The following GRAMD1A variants were observed in gnomAD, a reference collection of about 807,000 sequenced individuals.
GRAMD1A encodes protein Aster-A.
GRAMD1A carries 50 observed loss-of-function variants against 92.0 expected under a neutral mutation model. The observed-to-expected ratio is 0.54, with a 90% confidence interval of 0.43 to 0.69. The LOEUF (loss-of-function observed/expected upper bound fraction) is 0.69, where lower values mean the gene tolerates loss of function less well. GRAMD1A is among the 30% of genes least tolerant of loss of function. The probability of loss-of-function intolerance (pLI) is 0.00; values close to 1 mark genes in which losing one functional copy is unlikely to be tolerated. For missense variants in GRAMD1A, 819 were observed against 978.9 expected (o/e 0.84, Z 2.18); for synonymous variants, 405 against 403.6 (o/e 1.00, Z -0.04).
At chr19:35,011,232 T>A (rs1436158865) in intron 6 of GRAMD1A, among the ~76,000 whole-genome samples, 1 of 151,522 alleles carries the variant, frequency 6.6e-6, no homozygotes, top group Non-Finnish European at 1.5e-5. Context: ...ATCTGTCCCC[T>A]CCTTGGACTG....
chr19:35,004,569 C>T (rs1379479268), intron 1 of GRAMD1A, among the ~76,000 whole-genome samples: 2 of 152,184 alleles, frequency 1.3e-5, no homozygotes, highest in East Asian at 1.9e-4. Context: ...CCTGTTTCAG[C>T]GTCAGGTCCT....
At chr19:35,000,117 A>G, upstream of GRAMD1A, 1 of 993,324 alleles carries the variant, frequency 1.0e-6, no homozygotes. The surrounding 1 kb of genome is among the most constrained non-coding windows in gnomAD (Gnocchi z 4.9). Context: ...GGTTTTAATA[A>G]AGTCTCTTTG....
intron 11 of GRAMD1A, among the ~76,000 whole-genome samples, chr19:35,018,110 C>T (rs1368748608): frequency 6.6e-6 from 1 of 152,180 alleles, no homozygotes; most frequent in Admixed American, 6.5e-5. Context: ...GCCTCAGCCT[C>T]CTGAGTAGCC....
chr19:35,022,421 C>T (rs930587744), intron 16 of GRAMD1A, among the ~76,000 whole-genome samples: 2 of 152,152 alleles, frequency 1.3e-5, no homozygotes, highest in African/African-American at 4.8e-5. Flanking sequence ...ATGCTGAGGA[C>T]ACCGCAGTGA....
Position 35,011,570 on chromosome 19 carries a change from GC to G in GRAMD1A, c.606+19del, listed in dbSNP as rs757609835. The G allele has an allele frequency of 6.3e-7, 1 of 1,587,328 alleles. No homozygotes were observed. The highest frequency in any genetic ancestry group is 1.1e-5 in the South Asian group (1 of 90,634). Reference sequence around the variant, plus strand: ...GCTTGAAAAGGTGGGCCTGGGTGAGGCCCGGGTGGGGATGGGGGGTTTCCAG... The same window carrying G: ...GCTTGAAAAGGTGGGCCTGGGTGAGGCCGGGTGGGGATGGGGGGTTTCCAG... On this transcript the variant is annotated intron_variant, in intron 7 of 19. Transcript: ENST00000317991.
upstream of GRAMD1A, among the ~76,000 whole-genome samples, chr19:34,995,596 T>TTTTTTTTTG (rs1281397886): frequency 1.3e-5 from 2 of 148,902 alleles, no homozygotes; most frequent in South Asian, 2.2e-4. Context: ...TTTTTTTTTT[T>TTTTTTTTTG]TCTGAGACAG....
At chr19:35,024,485 G>A (rs1600348196) in intron 19 of GRAMD1A, among the ~76,000 whole-genome samples, 1 of 152,196 alleles carries the variant, frequency 6.6e-6, no homozygotes, top group African/African-American at 2.4e-5. Flanking sequence ...CAGTTGTGGT[G>A]GGTCAGAGCA....
chr19:35,015,841 C>G lies in GRAMD1A; in HGVS notation c.1087C>G (p.Leu363Val), dbSNP rs780927984. The G allele has an allele frequency of 6.2e-7, 1 of 1,613,954 alleles. No homozygotes were observed. Among genetic ancestry groups the G allele is most frequent in the East Asian group, 2.2e-5 (1 of 44,874 alleles). ...GTCTCCAGCGGACTTGGCTGCCCTG[C>G]TTCCCGACCTCTCCGGCCGCCTCCT... ...TGEEADLAAL[L>V]PDLSGRLLIN... Residue 363 changes from leucine to valine, a missense_variant, in exon 11 of 20, where the codon CTT becomes GTT. This residue lies in a region of GRAMD1A where 577 missense variants were observed against 674.6 expected (regional missense o/e 0.86). Coordinates refer to ENST00000317991, the MANE Select transcript of GRAMD1A (RefSeq NM_020895.5).
intron 10 of GRAMD1A, 99 bp downstream of exon 10, chr19:35,014,486 A>G (rs1233462201): frequency 2.8e-6 from 3 of 1,058,244 alleles, no homozygotes; most frequent in Non-Finnish European, 4.3e-6. Flanking sequence ...CTGAGAATCC[A>G]GGGGCAGGCG....
At chr19:34,995,727 G>T (rs1222167447), upstream of GRAMD1A, among the ~76,000 whole-genome samples, 1 of 151,996 alleles carries the variant, frequency 6.6e-6, no homozygotes, top group African/African-American at 2.4e-5. Flanking sequence ...AGGGCTATAG[G>T]GACGTGCCAC....
At chr19:35,007,190 C>T (rs1301347194) in intron 1 of GRAMD1A, among the ~76,000 whole-genome samples, 1 of 152,152 alleles carries the variant, frequency 6.6e-6, no homozygotes, top group Non-Finnish European at 1.5e-5. Flanking sequence ...TGTAGGACAC[C>T]AGTGAAGAGG....
At position 35,014,288 on chromosome 19, in the gene GRAMD1A, C is replaced by T; in HGVS notation, c.970C>T (p.Gln324Ter). The T allele has an allele frequency of 6.2e-7, 1 of 1,614,112 alleles. No individual in the cohort carries two copies. The highest frequency in any genetic ancestry group is 2.2e-5 in the East Asian group (1 of 44,882). ...TGAACCCCCGAGCACAGAGCCCACC[C>T]AGCCTGACGGGCCCACCACCCTGGG... ...VAEPPSTEPT[Q>*]PDGPTTLGPL... is the part of the protein sequence containing the mutation. The change falls in exon 10 of 20, where the codon CAG becomes TAG. Residue 324 changes from glutamine (Q) to a stop codon, truncating the protein, a stop_gained. Coordinates refer to ENST00000317991, the MANE Select transcript of GRAMD1A (RefSeq NM_020895.5). LOFTEE classifies it high-confidence loss of function.
rs1161592702 is a variant in GRAMD1A, at chr19:35,014,338, G to A, written c.1020G>A (p.Glu340=). ...TLGPLDLLPS[E]ELLTDTSNSS... The stretch of plus-strand genomic sequence containing the variant: ...GCCCCTTGGATCTGCTGCCCAGTGA[G>A]GAGCTATTGACAGACACAAGTAACT... The change falls in exon 10 of 20, where the codon GAG becomes GAA. Residue 340 remains glutamate (E), a synonymous_variant. Transcript: ENST00000317991. The A allele has an allele frequency of 2.5e-6, 4 of 1,614,060 alleles. No homozygotes were observed. In the African/African-American group the frequency reaches 4.0e-5, roughly 16 times the overall value.
At chr19:35,007,024 AGGGGAGAGGAAGGAC>A (rs2014870907) in intron 1 of GRAMD1A, among the ~76,000 whole-genome samples, 1 of 152,180 alleles carries the variant, frequency 6.6e-6, no homozygotes, top group Non-Finnish European at 1.5e-5. Flanking sequence ...TGGGATGGCC[AGGGGAGAGGAAGGAC>A]AGGGAGAGGG....
chr19:34,997,029 C>A (rs67003112), upstream of GRAMD1A, among the ~76,000 whole-genome samples: 1 of 151,992 alleles, frequency 6.6e-6, no homozygotes, highest in Non-Finnish European at 1.5e-5. Flanking sequence ...ATTGCTCCCC[C>A]CTCCACCCAG....
chr19:35,022,424 C>T (rs1384166119), intron 16 of GRAMD1A, among the ~76,000 whole-genome samples: 2 of 152,118 alleles, frequency 1.3e-5, no homozygotes, highest in Non-Finnish European at 2.9e-5. Context: ...CTGAGGACAC[C>T]GCAGTGACCT....
chr19:35,008,407 G>C (rs1426778804), intron 1 of GRAMD1A, among the ~76,000 whole-genome samples: 1 of 151,084 alleles, frequency 6.6e-6, no homozygotes, highest in African/African-American at 2.4e-5. Flanking sequence ...TACTTTACAT[G>C]GGCTGGGCAC....
chr19:35,004,759 C>T (rs921668539), intron 1 of GRAMD1A, among the ~76,000 whole-genome samples: 45 of 152,116 alleles, frequency 3.0e-4, no homozygotes, highest in African/African-American at 1.0e-3. Context: ...GGCTGGCAGC[C>T]GCGCTGTACA....
At chr19:35,022,087 TGG>T in intron 16 of GRAMD1A, 49 bp downstream of exon 16, 1 of 1,395,360 alleles carries the variant, frequency 7.2e-7, no homozygotes, top group Non-Finnish European at 1.0e-6. Flanking sequence ...ACCTGCCTCC[TGG>T]CTGTGTGACC....
Sources: gnomAD v4.1 joint callset for allele counts (sites outside exome capture counted in the v4.1 genomes callset) on GRCh38, gnomAD v4.1.1 for gene constraint, gnomAD v4.1.1 regional missense constraint, Gnocchi (gnomAD v3.1) non-coding constraint, MANE v1.5 for transcripts, NCBI Gene and HGNC (gene_info 2026-07-23, HGNC 2026-07-21) for gene names.